NEK10: variants seen among roughly 807,000 people sequenced by gnomAD.
NEK10 encodes the protein NIMA related kinase 10, also known as serine/threonine-protein kinase Nek10.
A neutral mutation model predicts 159.8 loss-of-function variants in NEK10; 122 were observed. That is an observed-to-expected ratio of 0.76 (90% CI 0.66 to 0.89). The LOEUF (loss-of-function observed/expected upper bound fraction) is 0.89. NEK10 is among the 40% of genes least tolerant of loss of function. The pLI is 0.00. For synonymous variants in NEK10, 466 were observed against 457.1 expected (o/e 1.02, Z -0.25); for missense variants, 1,342 against 1,323.1 (o/e 1.01, Z -0.22).
chr3:27,164,680 C>T (rs1575069717), intron 29 of NEK10, among the ~76,000 whole-genome samples: 1 of 152,292 alleles, frequency 6.6e-6, no homozygotes, highest in East Asian at 1.9e-4. Flanking sequence ...CAGGCCCTTC[C>T]TTAAGTGTTG....
intron 26 of NEK10, among the ~76,000 whole-genome samples, chr3:27,178,629 A>G (rs1371495770): frequency 6.6e-6 from 1 of 152,204 alleles, no homozygotes; most frequent in Admixed American, 6.5e-5. Context: ...GCACAAAGAA[A>G]ATTCAAACTA....
chr3:27,309,999 T>A (rs1316765868), intron 9 of NEK10: 1 of 152,172 alleles, frequency 6.6e-6, no homozygotes, highest in Non-Finnish European at 1.5e-5. Context: ...GAATGCGGAG[T>A]GCCCCTGAAA....
At position 27,124,094 on chromosome 3, in the gene NEK10, G is replaced by C. The variant is rs528711079; in HGVS notation, c.3082-4226C>G. On this transcript the variant is annotated intron_variant, in intron 32 of 35. Transcript: ENST00000691995. ...ATGTAATACACAAAACAGTTTAAGT[G>C]GGGTTGGGAACATCAGGGTGAATGC... is the stretch of plus-strand genomic sequence containing the variant. Among the ~76,000 whole-genome samples, 3 of 152,170 alleles carry C rather than the reference G, an allele frequency of 2.0e-5. No homozygotes were observed. The East Asian group carries it at 5.8e-4, about 29-fold the overall frequency.
chr3:27,294,788 C>T (rs1038295963), intron 15 of NEK10, among the ~76,000 whole-genome samples: 2 of 152,110 alleles, frequency 1.3e-5, no homozygotes, highest in African/African-American at 4.8e-5. Flanking sequence ...AAAAGATGAG[C>T]TACAACTATT....
At chr3:27,186,035 G>A (rs1948586978) in intron 26 of NEK10, among the ~76,000 whole-genome samples, 2 of 152,310 alleles carry the variant, frequency 1.3e-5, no homozygotes, top group Middle Eastern at 3.4e-3. Context: ...GGTGATATGA[G>A]GAGACAGAAC....
At chr3:27,123,830 G>A (rs1941615547) in intron 32 of NEK10, among the ~76,000 whole-genome samples, 1 of 151,790 alleles carries the variant, frequency 6.6e-6, no homozygotes, top group Non-Finnish European at 1.5e-5. Context: ...TACAGGCAGA[G>A]GAAAAAGCAT....
chr3:27,160,005 C>G (rs1945860825), intron 30 of NEK10, among the ~76,000 whole-genome samples: 1 of 151,562 alleles, frequency 6.6e-6, no homozygotes, highest in South Asian at 2.1e-4. Context: ...TTAGGCAATA[C>G]AGGGCTGTAA....
At chr3:27,147,512 G>A (rs1270294844) in intron 30 of NEK10, among the ~76,000 whole-genome samples, 1 of 152,200 alleles carries the variant, frequency 6.6e-6, no homozygotes, top group East Asian at 1.9e-4. Context: ...GGGTGATCAG[G>A]CAACAAACTT....
rs555116711 is a variant in NEK10 at position 27,112,822 on chromosome 3, C to G, written c.3300-1502G>C. ...TGATAATATTGCCCATTCTATGAAACCTATTGGGGAAAAATGCAGTCTACT... is the reference window on the plus strand; with the variant it reads ...TGATAATATTGCCCATTCTATGAAAGCTATTGGGGAAAAATGCAGTCTACT... On this transcript the variant is annotated intron_variant, in intron 35 of 35. Transcript: ENST00000691995. 2.0e-5 allele frequency among the ~76,000 whole-genome samples: 3 copies of G among 152,224 alleles called. No individual in the cohort carries two copies. The East Asian group carries it at 5.8e-4, about 29-fold the overall frequency.
chr3:27,171,846 G>C lies in NEK10; in HGVS notation c.2804C>G (p.Ser935Ter). 1 of 1,613,760 alleles carries C rather than the reference G, an allele frequency of 6.2e-7. No individual in the cohort carries two copies. The highest frequency in any genetic ancestry group is 8.5e-7 in the Non-Finnish European group (1 of 1,179,860). ...FNILKRSFSASGGERQSQTRD... is the reference protein window; with the variant it reads ...FNILKRSFSA ...TGTTTGGGATTGTCTTTCTCCTCCT[G>C]AAGCACTAAAACTTCTCTTTAAAAT... Residue 935 changes from serine (S) to a stop codon, truncating the protein, a stop_gained, in exon 29 of 36, where the codon TCA becomes TGA. Coordinates refer to ENST00000691995, the MANE Select transcript of NEK10 (RefSeq NM_001394966.1). LOFTEE classifies it high-confidence loss of function.
At chr3:27,343,951 G>A (rs1420539796) in intron 5 of NEK10, among the ~76,000 whole-genome samples, 1 of 152,216 alleles carries the variant, frequency 6.6e-6, no homozygotes, top group African/African-American at 2.4e-5. Context: ...GCATAAGAAT[G>A]TTGTCCGTGG....
At chr3:27,180,187 G>T (rs1223580552) in intron 26 of NEK10, among the ~76,000 whole-genome samples, 1 of 152,164 alleles carries the variant, frequency 6.6e-6, no homozygotes, top group Non-Finnish European at 1.5e-5. Flanking sequence ...TTTGAGGTCA[G>T]GAGTTTGAGA....
Position 27,214,793 on chromosome 3 carries a change from C to G in NEK10, c.2091-12236G>C, listed in dbSNP as rs1292725155. On this transcript the variant is annotated intron_variant, in intron 23 of 35. Transcript: ENST00000691995. ...ACTGGGATGTTCTCAGGTGAAGTCA[C>G]TGCTCCTGCTCTTTGACATATTTTC... The G allele has an allele frequency of 4.3e-6, 4 of 936,322 alleles. No homozygotes were observed. The African/African-American group carries it at 6.5e-5, about 15-fold the overall frequency. The allele number at this position is 936,322 out of a possible 1,614,324, so 58.0% of individuals were successfully genotyped here. A position where few individuals can be genotyped will look rare whatever the true frequency, so the allele number is the denominator to read the frequency against.
intron 23 of NEK10, among the ~76,000 whole-genome samples, chr3:27,231,899 A>G (rs1009155904): frequency 1.3e-5 from 2 of 151,980 alleles, no homozygotes; most frequent in African/African-American, 4.8e-5. Flanking sequence ...GCTGAATTCT[A>G]CTAGGCATTC....
intron 13 of NEK10, among the ~76,000 whole-genome samples, chr3:27,300,395 C>A (rs368046366): frequency 3.3e-5 from 5 of 152,126 alleles, no homozygotes; most frequent in African/African-American, 9.7e-5. Flanking sequence ...GAGGCTTCCC[C>A]AACCATGTGG....
At chr3:27,285,290 G>A (rs764663484) in intron 20 of NEK10, among the ~76,000 whole-genome samples, 1 of 152,120 alleles carries the variant, frequency 6.6e-6, no homozygotes, top group Non-Finnish European at 1.5e-5. Context: ...ATGATCTCCA[G>A]TCATGGAGGA....
In NEK10 at chr3:27,232,238, C is replaced by T. The variant is rs75886399; in HGVS notation, c.2090+24058G>A. On this transcript the variant is annotated intron_variant, in intron 23 of 35. Coordinates refer to ENST00000691995, the MANE Select transcript of NEK10 (RefSeq NM_001394966.1). Reference sequence around the variant, plus strand: ...AGTCTCAGAATACATAATCAATGTACACAAACCAGTAGCACTGCTACACAC... The same window carrying T: ...AGTCTCAGAATACATAATCAATGTATACAAACCAGTAGCACTGCTACACAC... 1.8e-3 allele frequency among the ~76,000 whole-genome samples: 268 copies of T among 151,900 alleles called. 4 individuals carry two copies. In the East Asian group the frequency reaches 0.043, roughly 24 times the overall value.
intron 23 of NEK10, among the ~76,000 whole-genome samples, chr3:27,213,283 G>C (rs1218122833): frequency 6.6e-6 from 1 of 152,178 alleles, no homozygotes; most frequent in Non-Finnish European, 1.5e-5. Flanking sequence ...ATAAAAGACA[G>C]AGTAGGGGGA....
At chr3:27,303,031 C>T (rs2043957893) in intron 12 of NEK10, among the ~76,000 whole-genome samples, 1 of 152,166 alleles carries the variant, frequency 6.6e-6, no homozygotes, top group South Asian at 2.1e-4. Context: ...AACGTCTACC[C>T]CTAATGCCAG....
Sources: allele counts gnomAD v4.1 joint callset (sites outside exome capture counted in the v4.1 genomes callset), GRCh38; gene constraint gnomAD v4.1.1; transcripts MANE v1.5; gene names NCBI Gene and HGNC (gene_info 2026-07-23, HGNC 2026-07-21).